SDCCAG8: variants seen among roughly 807,000 people sequenced by gnomAD.
SDCCAG8 encodes SHH signaling and ciliogenesis regulator SDCCAG8, also known as serologically defined colon cancer antigen 8.
Under a neutral mutation model 101.8 loss-of-function variants are expected in SDCCAG8, and 74 were observed. The ratio of observed to expected loss-of-function variants is 0.73; its 90% CI spans 0.60 to 0.88. The LOEUF (loss-of-function observed/expected upper bound fraction) is 0.88, where lower values mean the gene tolerates loss of function less well. Ranked by LOEUF, SDCCAG8 falls within the 40% of genes least tolerant of loss-of-function variation. SDCCAG8 has a pLI of 0.00. For missense variants in SDCCAG8, 787 were observed against 822.6 expected (o/e 0.96, Z 0.53); for synonymous variants, 281 against 292.9 (o/e 0.96, Z 0.41).
In SDCCAG8 at chr1:243,368,001, C is replaced by T. The variant is rs562180820; in HGVS notation, c.1474-10720C>T. 2.6e-5 allele frequency among the ~76,000 whole-genome samples: 4 copies of T among 151,542 alleles called. No individual in the cohort carries two copies. In the South Asian group the frequency reaches 8.3e-4, roughly 32 times the overall value. On this transcript the variant is annotated intron_variant, in intron 12 of 17. Coordinates refer to ENST00000366541, the MANE Select transcript of SDCCAG8 (RefSeq NM_006642.5). ...GGTCAAGGCAGGAGGATCGCTTGAG[C>T]CCAGGAGTTCAAGACCAGCCTGGGC... is the stretch of plus-strand genomic sequence containing the variant.
chr1:243,438,668 C>A (rs2082317818), intron 16 of SDCCAG8, among the ~76,000 whole-genome samples: 1 of 152,104 alleles, frequency 6.6e-6, no homozygotes, highest in Non-Finnish European at 1.5e-5. Flanking sequence ...TCTGAGCACT[C>A]TGAGAGGGGC....
intron 8 of SDCCAG8, among the ~76,000 whole-genome samples, chr1:243,309,051 G>T (rs2072452430): frequency 6.6e-6 from 1 of 152,136 alleles, no homozygotes; most frequent in African/African-American, 2.4e-5. Context: ...GACCGATTTT[G>T]CTCCATGTCC....
chr1:243,476,907 G>A (rs1662521917), intron 16 of SDCCAG8, among the ~76,000 whole-genome samples: 1 of 152,106 alleles, frequency 6.6e-6, no homozygotes, highest in African/African-American at 2.4e-5. Flanking sequence ...CTGTGGTTCT[G>A]TAAGAGAATG....
At position 243,458,781 on chromosome 1, in the gene SDCCAG8, T is replaced by A. The variant is rs528613198; in HGVS notation, c.1986-30233T>A. Among the ~76,000 whole-genome samples the A allele has an allele frequency of 1.7e-4, 26 of 152,238 alleles. No individual in the cohort carries two copies. Among genetic ancestry groups the A allele is most frequent in the Non-Finnish European group, 3.7e-4 (25 of 68,038 alleles). On this transcript the variant is annotated intron_variant, in intron 16 of 17. Transcript: ENST00000366541. The surrounding 1 kb of genome is among the most constrained non-coding windows in gnomAD (Gnocchi z 4.5). ...CGCTTCCTGTGATTCCAGTCAGATA[T>A]GGCATTGTTTTATATTCCCATTGTC... is the stretch of plus-strand genomic sequence containing the variant.
intron 15 of SDCCAG8, among the ~76,000 whole-genome samples, chr1:243,424,153 T>G (rs2081194301): frequency 6.6e-6 from 1 of 152,256 alleles, no homozygotes; most frequent in Admixed American, 6.5e-5. Flanking sequence ...AAATTATGCT[T>G]TTAATGTTTG....
chr1:243,284,454 T>G (rs2149282613), intron 4 of SDCCAG8, among the ~76,000 whole-genome samples: 1 of 152,168 alleles, frequency 6.6e-6, no homozygotes, highest in East Asian at 1.9e-4. Flanking sequence ...GATGTGGGAG[T>G]AGAGGGAAGC....
chr1:243,337,056 G>A (rs748639808), intron 10 of SDCCAG8, among the ~76,000 whole-genome samples: 4 of 152,102 alleles, frequency 2.6e-5, no homozygotes, highest in Non-Finnish European at 5.9e-5. Context: ...TGAGAACTTA[G>A]TCATAAATTC....
intron 13 of SDCCAG8, among the ~76,000 whole-genome samples, chr1:243,399,855 C>T (rs985232252): frequency 3.9e-5 from 6 of 152,156 alleles, no homozygotes; most frequent in African/African-American, 9.7e-5. Context: ...GATAACCTCC[C>T]GCATAAACGC....
At chr1:243,307,801 A>G in intron 7 of SDCCAG8, 188 bp from the exon 8 acceptor site, 1 of 1,451,936 alleles carries the variant, frequency 6.9e-7, no homozygotes, top group Non-Finnish European at 9.0e-7. Context: ...ATCATATTCA[A>G]CGTGTCAATT....
intron 16 of SDCCAG8, among the ~76,000 whole-genome samples, chr1:243,433,191 C>T (rs1207478074): frequency 6.6e-6 from 1 of 151,952 alleles, no homozygotes; most frequent in Non-Finnish European, 1.5e-5. Context: ...GTTTATTGGG[C>T]ATCTGTTTTG....
chr1:243,337,651 A>C (rs2075101965), intron 10 of SDCCAG8, among the ~76,000 whole-genome samples: 2 of 152,222 alleles, frequency 1.3e-5, no homozygotes, highest in Non-Finnish European at 2.9e-5. Context: ...GGATTAAGTG[A>C]GATAATGTTT....
At chr1:243,263,834 G>A (rs527842026) in intron 1 of SDCCAG8, among the ~76,000 whole-genome samples, 2 of 152,256 alleles carry the variant, frequency 1.3e-5, no homozygotes, top group East Asian at 1.9e-4. Context: ...TCACAAAGCC[G>A]ACATTGTCTG....
intron 13 of SDCCAG8, among the ~76,000 whole-genome samples, chr1:243,402,361 C>T (rs1201706635): frequency 8.4e-5 from 12 of 143,274 alleles, no homozygotes; most frequent in East Asian, 6.1e-4. Context: ...ACCCGGGAGG[C>T]GGAGGTTGCG....
chr1:243,338,101 T>A (rs2075136050), intron 10 of SDCCAG8, among the ~76,000 whole-genome samples: 1 of 151,534 alleles, frequency 6.6e-6, no homozygotes, highest in African/African-American at 2.4e-5. Flanking sequence ...AAAAAAAAAA[T>A]TGTAGAATTG....
chr1:243,271,048 A>G lies in SDCCAG8; in HGVS notation c.291A>G (p.Arg97=). Residue 97 remains arginine, a synonymous_variant, in exon 3 of 18, where the codon AGA becomes AGG. Coordinates refer to ENST00000366541, the MANE Select transcript of SDCCAG8 (RefSeq NM_006642.5). ...KESEVSPSRR[R]KMSPLRSLEH... is the part of the protein sequence containing the mutation. ...GTGAAGTATCTCCGTCAAGAAGAAG[A>G]AAAATGTCCCCCTTGGTAAGTATCA... 6.2e-7 allele frequency: 1 copy of G among 1,609,934 alleles called. No homozygotes were observed. Among genetic ancestry groups the G allele is most frequent in the Non-Finnish European group, 8.5e-7 (1 of 1,176,260 alleles).
chr1:243,421,578 A>G (rs946942054), intron 15 of SDCCAG8, among the ~76,000 whole-genome samples: 5 of 152,226 alleles, frequency 3.3e-5, no homozygotes, highest in African/African-American at 4.8e-5. Flanking sequence ...TGTACTCCAC[A>G]CTGCACGTAG....
chr1:243,294,705 C>A (rs867468624), intron 6 of SDCCAG8, among the ~76,000 whole-genome samples: 12 of 65,348 alleles, frequency 1.8e-4, no homozygotes, highest in African/African-American at 3.0e-4. Flanking sequence ...TTCCCCCCCC[C>A]CCCCACAGCT....
At chr1:243,445,362 C>T (rs2082831578) in intron 16 of SDCCAG8, among the ~76,000 whole-genome samples, 1 of 152,216 alleles carries the variant, frequency 6.6e-6, no homozygotes, top group Non-Finnish European at 1.5e-5. Flanking sequence ...AATCCGTTTT[C>T]TGACATCAGG....
chr1:243,315,740 T>A (rs1008166348), intron 8 of SDCCAG8, among the ~76,000 whole-genome samples: 2 of 152,138 alleles, frequency 1.3e-5, no homozygotes, highest in African/African-American at 4.8e-5. Flanking sequence ...TAAAAAAAAA[T>A]CATAGTTGGC....
Sources: allele counts gnomAD v4.1 joint callset (sites outside exome capture counted in the v4.1 genomes callset), GRCh38; gene constraint gnomAD v4.1.1; non-coding constraint Gnocchi (gnomAD v3.1); transcripts MANE v1.5; gene names NCBI Gene and HGNC (gene_info 2026-07-23, HGNC 2026-07-21).